The following ARID5B variants were observed in gnomAD, a reference collection of about 807,000 sequenced individuals.
ARID5B encodes the protein AT-rich interaction domain 5B.
ARID5B carries 13 observed loss-of-function variants against 97.2 expected under a neutral mutation model. The ratio of observed to expected loss-of-function variants is 0.13; its 90% confidence interval spans 0.09 to 0.21. The LOEUF is 0.21. Ranked by LOEUF, ARID5B falls within the 10% of genes least tolerant of loss-of-function variation. The probability of loss-of-function intolerance (pLI) is 1.00; values close to 1 mark genes in which losing one functional copy is unlikely to be tolerated. For missense variants in ARID5B, 1,210 were observed against 1,465.3 expected (o/e 0.83, Z 2.84); for synonymous variants, 556 against 570.3 (o/e 0.97, Z 0.36).
At chr10:61,947,560 G>A (rs56285036) in intron 3 of ARID5B, among the ~76,000 whole-genome samples, 9 of 151,556 alleles carry the variant, frequency 5.9e-5, no homozygotes, top group Admixed American at 5.2e-4. Context: ...GTGAGCCACT[G>A]TGTCCAACCC....
chr10:61,938,404 G>A (rs1844341805), intron 2 of ARID5B, among the ~76,000 whole-genome samples: 1 of 152,160 alleles, frequency 6.6e-6, no homozygotes, highest in Admixed American at 6.5e-5. Context: ...TGTTGAGACT[G>A]ATACACCTAA....
intron 3 of ARID5B, among the ~76,000 whole-genome samples, chr10:61,952,929 G>A (rs946620706): frequency 2.6e-5 from 4 of 151,934 alleles, no homozygotes; most frequent in African/African-American, 4.8e-5. Flanking sequence ...AATCTTCTTC[G>A]TGTTTCAGGG....
At chr10:61,938,252 T>C (rs970969572) in intron 2 of ARID5B, among the ~76,000 whole-genome samples, 1 of 152,206 alleles carries the variant, frequency 6.6e-6, no homozygotes, top group African/African-American at 2.4e-5. Flanking sequence ...ATGCCATTTC[T>C]TGGAAAAGAT....
At chr10:61,949,968 G>C (rs1838299691) in intron 3 of ARID5B, among the ~76,000 whole-genome samples, 1 of 152,146 alleles carries the variant, frequency 6.6e-6, no homozygotes, top group Non-Finnish European at 1.5e-5. Context: ...GGTGATAAAA[G>C]TGGGTCTATT....
chr10:61,992,191 TC>T (rs1838935734), intron 3 of ARID5B, among the ~76,000 whole-genome samples: 1 of 152,194 alleles, frequency 6.6e-6, no homozygotes, highest in African/African-American at 2.4e-5. Flanking sequence ...TGTTGCATAA[TC>T]CCTGTCTAGT....
At position 62,091,725 on chromosome 10, in the gene ARID5B, C is replaced by T. The variant is rs765077475; in HGVS notation, c.2262C>T (p.His754=). The change falls in exon 10 of 10, where the codon CAC becomes CAT. Residue 754 remains histidine, a synonymous_variant. Coordinates refer to ENST00000279873, the MANE Select transcript of ARID5B (RefSeq NM_032199.3). Reference sequence around the variant, plus strand: ...TCAGCCGGCCATCAGTGATTCAGCACGTCCAGAGTTTCAGAAGCAAGCCCT... The same window carrying T: ...TCAGCCGGCCATCAGTGATTCAGCATGTCCAGAGTTTCAGAAGCAAGCCCT... ...MAVSRPSVIQ[H]VQSFRSKPSE... The T allele has an allele frequency of 5.6e-6, 9 of 1,614,028 alleles. No individual in the cohort carries two copies. Among genetic ancestry groups the T allele is most frequent in the Admixed American group, 5.0e-5 (3 of 60,014 alleles).
At chr10:62,008,386 A>G (rs1366847350) in intron 4 of ARID5B, among the ~76,000 whole-genome samples, 1 of 152,142 alleles carries the variant, frequency 6.6e-6, no homozygotes, top group Non-Finnish European at 1.5e-5. Flanking sequence ...CTCAGCCCAG[A>G]CCCTGCTCAG....
chr10:62,022,840 C>T (rs114823619), intron 4 of ARID5B, among the ~76,000 whole-genome samples: 1,582 of 152,288 alleles, frequency 0.01, 25 homozygotes, highest in African/African-American at 0.035. Context: ...AAAAAATCTC[C>T]TCATTGTGAA....
intron 2 of ARID5B, among the ~76,000 whole-genome samples, chr10:61,918,393 G>C (rs1413166820): frequency 6.6e-6 from 1 of 152,162 alleles, no homozygotes; most frequent in Non-Finnish European, 1.5e-5. Context: ...TATGGGCATA[G>C]AGCACAAAAC....
chr10:62,096,119 G>A lies in ARID5B; in HGVS notation c.*3089G>A, dbSNP rs769088171. 3 of 233,398 alleles carry A rather than the reference G, an allele frequency of 1.3e-5. No homozygotes were observed. Among genetic ancestry groups the A allele is most frequent in the Non-Finnish European group, 2.5e-5 (3 of 117,978 alleles). The allele number at this position is 233,398 out of a possible 1,614,324, so 14.5% of individuals were successfully genotyped here. A position where few individuals can be genotyped will look rare whatever the true frequency, so the allele number is the denominator to read the frequency against. On this transcript the variant is annotated 3_prime_UTR_variant, in exon 10 of 10. Coordinates refer to ENST00000279873, the MANE Select transcript of ARID5B (RefSeq NM_032199.3). ...TTCAAACTTGTAATATTTGCCACAG[G>A]ACTGACTTATTTATTTACTAGCTAG...
chr10:62,040,250 T>C (rs562317621), intron 4 of ARID5B, among the ~76,000 whole-genome samples: 1 of 152,284 alleles, frequency 6.6e-6, no homozygotes, highest in East Asian at 1.9e-4. Flanking sequence ...TCAGGGCCAT[T>C]TAGTAGCCTT....
intron 9 of ARID5B, among the ~76,000 whole-genome samples, chr10:62,087,692 A>G (rs532470599): frequency 1.3e-5 from 2 of 152,308 alleles, no homozygotes; most frequent in South Asian, 2.1e-4. Context: ...TAAATTGCAC[A>G]TGTACAACAC....
chr10:62,066,422 A>G (rs1470320791), intron 7 of ARID5B, among the ~76,000 whole-genome samples: 14 of 152,364 alleles, frequency 9.2e-5, no homozygotes, highest in Middle Eastern at 3.4e-3. Context: ...AAATATCTCA[A>G]AATGGCCCAA....
chr10:62,091,934 T>A lies in ARID5B; in HGVS notation c.2471T>A (p.Met824Lys). ...AAAAGGGCCCTCCCCCATTCCCACA[T>A]GCCTAGCTTCCTGGCTGACTTCTAC... ...LEKRALPHSH[M>K]PSFLADFYSS... Residue 824 changes from methionine (M) to lysine (K), a missense_variant, in exon 10 of 10, where the codon ATG (methionine) becomes AAG (lysine). Met to Lys is a moderately conservative substitution (Grantham distance 95). Transcript: ENST00000279873. The A allele has an allele frequency of 2.5e-6, 4 of 1,613,674 alleles. No individual in the cohort carries two copies. Among genetic ancestry groups the A allele is most frequent in the Non-Finnish European group, 3.4e-6 (4 of 1,179,856 alleles).
intron 2 of ARID5B, among the ~76,000 whole-genome samples, chr10:61,910,967 G>A (rs971568631): frequency 1.3e-5 from 2 of 152,092 alleles, no homozygotes; most frequent in Admixed American, 6.5e-5. Flanking sequence ...AACCCCAGGC[G>A]GCAAAGGCCA....
Position 61,911,571 on chromosome 10 carries a change from T to C in ARID5B, c.276+9158T>C, listed in dbSNP as rs1843804389. 2.0e-5 allele frequency among the ~76,000 whole-genome samples: 3 copies of C among 152,226 alleles called. No individual in the cohort carries two copies. In the South Asian group the frequency reaches 6.2e-4, roughly 31 times the overall value. ...TTGCTTTTTCTGGCCTTTTCAATCTTATTCAAAATAATAGTGCTTCCAGTC... is the reference window on the plus strand; with the variant it reads ...TTGCTTTTTCTGGCCTTTTCAATCTCATTCAAAATAATAGTGCTTCCAGTC... On this transcript the variant is annotated intron_variant, in intron 2 of 9. Transcript: ENST00000279873.
rs1234612972 is a variant in ARID5B at position 62,000,039 on chromosome 10, A to C, written c.503-52A>C. 3.4e-5 allele frequency: 52 copies of C among 1,548,450 alleles called. No individual in the cohort carries two copies. Among genetic ancestry groups the C allele is most frequent in the Middle Eastern group, 3.4e-4 (2 of 5,932 alleles). ...ATTGAAATTATACCATGGCCATGAA[A>C]GTTCTTTGTCAGAGGGAAGAGGGTA... On this transcript the variant is annotated intron_variant, in intron 3 of 9. Coordinates refer to ENST00000279873, the MANE Select transcript of ARID5B (RefSeq NM_032199.3). This position sits in a 1 kb window ranked among gnomAD's most constrained non-coding sequence, Gnocchi z 4.4.
chr10:62,009,367 AAGGCAGAACTCC>A (rs1157674623), intron 4 of ARID5B, among the ~76,000 whole-genome samples: 22 of 152,200 alleles, frequency 1.4e-4, no homozygotes, highest in Non-Finnish European at 2.6e-4. Flanking sequence ...AACTATGTTT[AAGGCAGAACTCC>A]AGGCATTGTT....
At chr10:62,010,301 A>T (rs943755954) in intron 4 of ARID5B, among the ~76,000 whole-genome samples, 1 of 152,044 alleles carries the variant, frequency 6.6e-6, no homozygotes, top group Non-Finnish European at 1.5e-5. Flanking sequence ...CATCTTTAAC[A>T]TTTTGCTTCT....
Sources: allele counts gnomAD v4.1 joint callset (sites outside exome capture counted in the v4.1 genomes callset), GRCh38; gene constraint gnomAD v4.1.1; non-coding constraint Gnocchi (gnomAD v3.1); transcripts MANE v1.5; gene names NCBI Gene and HGNC (gene_info 2026-07-23, HGNC 2026-07-21).